The following MGA variants were observed in gnomAD, a reference collection of about 807,000 sequenced individuals.
MGA encodes the protein MAX gene-associated protein.
In MGA, 40 loss-of-function variants were observed where a neutral mutation model predicts 261.1. That is an observed-to-expected ratio of 0.15 (90% CI 0.12 to 0.20). The LOEUF is 0.20. MGA is among the 10% of genes least tolerant of loss of function. MGA has a pLI of 1.00. For missense variants in MGA, 3,397 were observed against 3,630.5 expected, an observed-to-expected ratio of 0.94 and a Z score of 1.65; for synonymous variants, 1,302 against 1,290.6, an observed-to-expected ratio of 1.01 and a Z score of -0.19.
At chr15:41,700,271 C>T (rs1051342722) in intron 5 of MGA, among the ~76,000 whole-genome samples, 13 of 152,028 alleles carry the variant, frequency 8.6e-5, no homozygotes, top group African/African-American at 3.1e-4. Context: ...TGGTCTCGAT[C>T]TCCTGACCTC....
chr15:41,692,399 A>C (rs948709153), intron 2 of MGA, among the ~76,000 whole-genome samples: 1 of 152,186 alleles, frequency 6.6e-6, no homozygotes. Context: ...GATTCTGCCC[A>C]TGCTCGGGCA....
intron 1 of MGA, among the ~76,000 whole-genome samples, chr15:41,629,735 A>G (rs2056547783): frequency 1.3e-5 from 2 of 152,186 alleles, no homozygotes; most frequent in African/African-American, 4.8e-5. Flanking sequence ...TCTCAAAAAA[A>G]CAAAACTGAA....
In MGA at chr15:41,760,310, C is replaced by T. The variant is rs2151990013; in HGVS notation, c.7192-13C>T. 2 of 1,613,496 alleles carry T rather than the reference C, an allele frequency of 1.2e-6. No individual in the cohort carries two copies. The highest frequency in any genetic ancestry group is 1.7e-6 in the Non-Finnish European group (2 of 1,179,564). ...ATGTTCAAGATGTTTAGGAGGCAATCTTGTTTGGACAGGCTCCACCAATTC... is the reference window on the plus strand; with the variant it reads ...ATGTTCAAGATGTTTAGGAGGCAATTTTGTTTGGACAGGCTCCACCAATTC... On this transcript the variant is annotated splice_polypyrimidine_tract_variant and intron_variant, in intron 19 of 23. Coordinates refer to ENST00000219905, the MANE Select transcript of MGA (RefSeq NM_001164273.2).
intron 22 of MGA, among the ~76,000 whole-genome samples, chr15:41,763,979 T>C (rs1482437525): frequency 2.0e-5 from 3 of 151,572 alleles, no homozygotes; most frequent in Admixed American, 6.6e-5. Flanking sequence ...GGCAACATGG[T>C]GAAACCCTGT....
At chr15:41,673,426 C>T (rs760043104) in intron 2 of MGA, among the ~76,000 whole-genome samples, 2 of 151,388 alleles carry the variant, frequency 1.3e-5, no homozygotes, top group Non-Finnish European at 2.9e-5. Flanking sequence ...CCATGTTGGC[C>T]AGGCTGGTCT....
chr15:41,762,461 G>GTCTTTTTTT (rs2063523391), intron 22 of MGA, 99 bp downstream of exon 22: 1 of 125,094 alleles, frequency 8.0e-6, no homozygotes, highest in African/African-American at 6.6e-5. Flanking sequence ...GTTTTGTGTG[G>GTCTTTTTTT]TTTTTTTTTT....
intron 7 of MGA, 24 bp downstream of exon 7, chr15:41,708,232 T>C (rs1333677586): frequency 6.8e-7 from 1 of 1,471,750 alleles, no homozygotes; most frequent in African/African-American, 1.4e-5. Context: ...TAAAATTTTT[T>C]AAATGTTCTG....
Position 41,742,742 on chromosome 15 carries a change from T to C in MGA, c.4782T>C (p.Thr1594=). 1.2e-6 allele frequency: 2 copies of C among 1,613,930 alleles called. No homozygotes were observed. The highest frequency in any genetic ancestry group is 1.7e-6 in the Non-Finnish European group (2 of 1,179,804). The change falls in exon 15 of 24, where the codon ACT becomes ACC. Residue 1594 remains threonine (T), a synonymous_variant. Transcript: ENST00000219905. ...CAGTTCAGGTGTGCAGCCCTGTGAC[T>C]GCTGCTGTCACTACTACCACCCCTC...
rs759449757 is a variant in MGA at position 41,767,128 on chromosome 15, C to T, written c.9046C>T (p.Pro3016Ser). Residue 3016 changes from proline to serine, a missense_variant, in exon 24 of 24, where the codon CCT (proline) becomes TCT (serine). This residue lies in a region of MGA where 647 missense variants were observed against 642.4 expected (regional missense o/e 1.01). Transcript: ENST00000219905. ...TCTCAAGGTGATGCCTTGTTTGGCACCTATAGCTGCCAAAGTTGGGTCAGT... is the reference window on the plus strand; with the variant it reads ...TCTCAAGGTGATGCCTTGTTTGGCATCTATAGCTGCCAAAGTTGGGTCAGT... 3 of 1,613,938 alleles carry T rather than the reference C, an allele frequency of 1.9e-6. No homozygotes were observed. Among genetic ancestry groups the T allele is most frequent in the South Asian group, 2.2e-5 (2 of 91,074 alleles).
At chr15:41,684,091 G>A (rs11070347) in intron 2 of MGA, among the ~76,000 whole-genome samples, 114,805 of 151,936 alleles carry the variant, frequency 0.76, 44,589 homozygotes, top group East Asian at 0.89. Flanking sequence ...CTGTTAAATT[G>A]CATCATATTG....
intron 9 of MGA, among the ~76,000 whole-genome samples, chr15:41,726,598 A>T (rs999661580): frequency 2.0e-5 from 3 of 151,970 alleles, no homozygotes; most frequent in Non-Finnish European, 4.4e-5. Context: ...GTGTGGTGGC[A>T]TATACCTGTA....
Position 41,685,930 on chromosome 15 carries a change from G to A in MGA, c.1065-10145G>A, listed in dbSNP as rs146992744. 1.5e-3 allele frequency among the ~76,000 whole-genome samples: 221 copies of A among 151,712 alleles called. 3 individuals carry two copies. The East Asian group carries it at 0.03, about 21-fold the overall frequency. On this transcript the variant is annotated intron_variant, in intron 2 of 23. Transcript: ENST00000219905. ...TGAGGCAGGAGAATGGCGTGTACCC[G>A]GGAGGCGGAGCTTGCAGGGAGCCGA...
At position 41,669,796 on chromosome 15, in the gene MGA, A is replaced by C. The variant is rs745944811; in HGVS notation, c.902A>C (p.Glu301Ala). 6.2e-7 allele frequency: 1 copy of C among 1,614,006 alleles called. No homozygotes were observed. Among genetic ancestry groups the C allele is most frequent in the South Asian group, 1.1e-5 (1 of 91,082 alleles). Reference sequence around the variant, plus strand: ...CGTCTTACAGAAGGTCAGGGGTCAGAGATACAACCAGGTGATTTGGATCCT... The same window carrying C: ...CGTCTTACAGAAGGTCAGGGGTCAGCGATACAACCAGGTGATTTGGATCCT... The change falls in exon 2 of 24, where the codon GAG becomes GCG. Residue 301 changes from glutamate (E) to alanine (A), a missense_variant. Around this residue, in one of 9 missense-constraint regions of MGA, gnomAD observed 563 missense variants for 563.6 expected, o/e 1.00. Coordinates refer to ENST00000219905, the MANE Select transcript of MGA (RefSeq NM_001164273.2).
intron 2 of MGA, among the ~76,000 whole-genome samples, chr15:41,683,949 TC>T (rs1466144124): frequency 1.3e-5 from 2 of 152,130 alleles, no homozygotes; most frequent in Non-Finnish European, 2.9e-5. Flanking sequence ...TATTTTAAGT[TC>T]CTGGATACAT....
Position 41,766,079 on chromosome 15 carries a change from T to G in MGA, c.7997T>G (p.Met2666Arg), listed in dbSNP as rs752644003. 8 of 1,613,778 alleles carry G rather than the reference T, an allele frequency of 5.0e-6. No individual in the cohort carries two copies. In the Admixed American group the frequency reaches 8.3e-5, roughly 17 times the overall value. The change falls in exon 24 of 24, where the codon ATG becomes AGG. Residue 2666 changes from methionine (M) to arginine (R), a missense_variant. Coordinates refer to ENST00000219905, the MANE Select transcript of MGA (RefSeq NM_001164273.2). Reference sequence around the variant, plus strand: ...GCCACAGAGGGAGGTTTGGTAGATATGGGTGGCAGCAAATATCCTCATGAA... The same window carrying G: ...GCCACAGAGGGAGGTTTGGTAGATAGGGGTGGCAGCAAATATCCTCATGAA...
chr15:41,662,135 C>T (rs190614718), intron 1 of MGA, among the ~76,000 whole-genome samples: 4 of 152,152 alleles, frequency 2.6e-5, no homozygotes, highest in Admixed American at 6.5e-5. Flanking sequence ...ACGGTTGTTT[C>T]TAGCGTTTGT....
At chr15:41,697,728 A>G (rs16971976) in intron 3 of MGA, among the ~76,000 whole-genome samples, 83,889 of 151,552 alleles carry the variant, frequency 0.55, 25,097 homozygotes, top group Middle Eastern at 0.72. Context: ...GGTTTTCAGT[A>G]GTAGTAGTAG....
At chr15:41,725,850 A>T (rs1460357454) in intron 9 of MGA, among the ~76,000 whole-genome samples, 1 of 7,116 alleles carries the variant, frequency 1.4e-4, no homozygotes, top group African/African-American at 2.5e-4. Flanking sequence ...AAAAAAAAAA[A>T]AAAAAATAAA....
At chr15:41,734,744 GT>G (rs933789080) in intron 12 of MGA, 150 bp downstream of exon 12, 14 of 596,554 alleles carry the variant, frequency 2.3e-5, no homozygotes, top group Admixed American at 1.9e-4. Flanking sequence ...ATAAGTAAAA[GT>G]TTTTTTTCCC....
Sources: allele counts gnomAD v4.1 joint callset (sites outside exome capture counted in the v4.1 genomes callset), GRCh38; gene constraint gnomAD v4.1.1; regional missense constraint gnomAD v4.1.1; transcripts MANE v1.5; gene names NCBI Gene and HGNC (gene_info 2026-07-23, HGNC 2026-07-21).